Variants in PROSER1 observed in about 807,000 individuals in gnomAD.
The protein encoded by PROSER1 is proline and serine rich 1.
In PROSER1, 36 loss-of-function variants were observed where a neutral mutation model predicts 71.8. That is an observed-to-expected ratio of 0.50 (90% confidence interval 0.38 to 0.66). The LOEUF is 0.66. Among genes scored for constraint, PROSER1 ranks in the 30% least tolerant of loss-of-function variants. The pLI, the probability that PROSER1 is intolerant of heterozygous loss-of-function variation, is 0.00. For missense variants in PROSER1, 1,107 were observed against 1,135.0 expected (o/e 0.98, Z 0.35); for synonymous variants, 490 against 452.4 (o/e 1.08, Z -1.06).
At position 39,024,633 on chromosome 13, in the gene PROSER1, T is replaced by C. The variant is rs1401423935; in HGVS notation, c.481-77A>G. The stretch of plus-strand genomic sequence containing the variant: ...AACCAGTAACAATAACCAACCTCAC[T>C]GTATTACACTGAAGAAAAGGACTTG... On this transcript the variant is annotated intron_variant, in intron 6 of 12. Coordinates refer to ENST00000352251, the MANE Select transcript of PROSER1 (RefSeq NM_025138.5). 8.2e-5 allele frequency: 81 copies of C among 983,844 alleles called. 1 individual carries two copies. In the South Asian group the frequency reaches 1.2e-3, roughly 14 times the overall value. 60.9% of individuals were successfully genotyped at this position (983,844 alleles called of 1,614,324 possible).
intron 10 of PROSER1, 69 bp from the exon 11 acceptor site, chr13:39,014,545 G>T: frequency 8.8e-7 from 1 of 1,142,354 alleles, no homozygotes; most frequent in Non-Finnish European, 1.2e-6. Flanking sequence ...GAATTAAAAA[G>T]CATAACCATT....
chr13:39,020,052 T>C (rs950304618), intron 9 of PROSER1, among the ~76,000 whole-genome samples: 1 of 149,324 alleles, frequency 6.7e-6, no homozygotes, highest in African/African-American at 2.5e-5. Flanking sequence ...TATTATTTTA[T>C]ATCTATCTAG....
intron 9 of PROSER1, among the ~76,000 whole-genome samples, chr13:39,020,096 A>G (rs1870220366): frequency 6.7e-6 from 1 of 150,340 alleles, no homozygotes; most frequent in South Asian, 2.1e-4. Context: ...AAAAAAAACT[A>G]GAGAGGGTAA....
rs534282404 is a variant in PROSER1, at chr13:39,012,035, T to A, written c.2712+48A>T. The stretch of plus-strand genomic sequence containing the variant: ...TACTGCAATGTTATCACTACAGAAG[T>A]TAGTTATACATGTTACCATGTAATT... On this transcript the variant is annotated intron_variant, in intron 12 of 12. Coordinates refer to ENST00000352251, the MANE Select transcript of PROSER1 (RefSeq NM_025138.5). The A allele has an allele frequency of 1.9e-6, 3 of 1,570,292 alleles. No homozygotes were observed. The African/African-American group carries it at 4.1e-5, about 21-fold the overall frequency.
chr13:39,029,119 A>C (rs539908520), intron 4 of PROSER1, 162 bp downstream of exon 4: 2 of 476,012 alleles, frequency 4.2e-6, no homozygotes, highest in Admixed American at 8.5e-5. Context: ...CATATATGTA[A>C]TAAGTACACT....
chr13:39,037,315 G>A lies in PROSER1; in HGVS notation c.-73C>T, dbSNP rs1871164147. 2 of 1,088,044 alleles carry A rather than the reference G, an allele frequency of 1.8e-6. No individual in the cohort carries two copies. The highest frequency in any genetic ancestry group is 2.8e-6 in the Non-Finnish European group (2 of 704,394). 67.4% of individuals were successfully genotyped at this position (1,088,044 alleles called of 1,614,324 possible). On this transcript the variant is annotated 5_prime_UTR_variant, in exon 1 of 13. Coordinates refer to ENST00000352251, the MANE Select transcript of PROSER1 (RefSeq NM_025138.5). ...AAGACGTTCATCCCTGGTCTGCTCC[G>A]CCGATAGTAAAAAATATTTATAGCT...
rs56659534 is a variant in PROSER1 at position 39,018,473 on chromosome 13, G to GACACACACACACAC, written c.731-943_731-930dup. Among the ~76,000 whole-genome samples the GACACACACACACAC allele has an allele frequency of 6.7e-4, 80 of 120,248 alleles. 1 individual carries two copies. Among genetic ancestry groups the GACACACACACACAC allele is most frequent in the Non-Finnish European group, 1.1e-3 (68 of 60,460 alleles). The allele number at this position is 120,248 out of a possible 152,430, so 78.9% of individuals were successfully genotyped here. A position where few individuals can be genotyped will look rare whatever the true frequency, so the allele number is the denominator to read the frequency against. ...TAAAGAAAAAGGACTTTTAAAACCC[G>GACACACACACACAC]ACACACACACACACACACACACACA... On this transcript the variant is annotated intron_variant, in intron 9 of 12. Transcript: ENST00000352251.
Position 39,010,625 on chromosome 13 carries a change from A to G in PROSER1, c.*740T>C. On this transcript the variant is annotated 3_prime_UTR_variant, in exon 13 of 13. Coordinates refer to ENST00000352251, the MANE Select transcript of PROSER1 (RefSeq NM_025138.5). ...ACAGAGGTGGCCCAAGAGTCAGTCA[A>G]GTGTTCTTCACTCACTGGATACTGC... The G allele has an allele frequency of 6.6e-6, 1 of 152,652 alleles. No individual in the cohort carries two copies. The highest frequency in any genetic ancestry group is 1.9e-4 in the East Asian group (1 of 5,196). The allele number at this position is 152,652 out of a possible 1,614,324, so 9.5% of individuals were successfully genotyped here.
intron 8 of PROSER1, 65 bp from the exon 9 acceptor site, chr13:39,022,477 T>G (rs1870342428): frequency 9.6e-7 from 1 of 1,046,186 alleles, no homozygotes; most frequent in South Asian, 1.3e-5. Context: ...TATTGTTCTG[T>G]GACTAGGAGT....
At chr13:39,035,580 T>C (rs892386436) in intron 1 of PROSER1, among the ~76,000 whole-genome samples, 6 of 152,212 alleles carry the variant, frequency 3.9e-5, no homozygotes, top group Non-Finnish European at 7.3e-5. Flanking sequence ...TTAATAGCTA[T>C]CATTCCCTCC....
Position 39,034,019 on chromosome 13 carries a change from GAATA to G in PROSER1, c.111+108_111+111del, listed in dbSNP as rs528220442. Reference sequence around the variant, plus strand: ...AAAACTGAGAGCTTCTCGAGTTCTTGAATAAATACAGCAAAAAGGTAAAACCAAT... The same window carrying G: ...AAAACTGAGAGCTTCTCGAGTTCTTGAATACAGCAAAAAGGTAAAACCAAT... On this transcript the variant is annotated intron_variant, in intron 2 of 12. Transcript: ENST00000352251. 76 of 704,126 alleles carry G rather than the reference GAATA, an allele frequency of 1.1e-4. No individual in the cohort carries two copies. In the East Asian group the frequency reaches 1.9e-3, roughly 18 times the overall value. 43.6% of individuals were successfully genotyped at this position (704,126 alleles called of 1,614,324 possible).
intron 5 of PROSER1, among the ~76,000 whole-genome samples, chr13:39,027,168 T>C (rs1870587698): frequency 6.6e-6 from 1 of 151,832 alleles, no homozygotes; most frequent in Non-Finnish European, 1.5e-5. Flanking sequence ...TCACAACACA[T>C]ATATGTATAT....
Position 39,013,920 on chromosome 13 carries a change from G to T in PROSER1, c.1332C>A (p.Ser444=), listed in dbSNP as rs780644266. 2 of 1,614,198 alleles carry T rather than the reference G, an allele frequency of 1.2e-6. No homozygotes were observed. Among genetic ancestry groups the T allele is most frequent in the South Asian group, 2.2e-5 (2 of 91,090 alleles). The change falls in exon 11 of 13, where the codon TCC becomes TCA. Residue 444 remains serine, a synonymous_variant. Transcript: ENST00000352251. ...CACCAGCAATTACAGGAGTCGGGTT[G>T]GATAGGCCTTGGGATGTTGGTGGTA... ...LPLPPTSQGL[S]NPTPVIAGGS... is the part of the protein sequence containing the mutation.
At chr13:39,012,001 C>T (rs892820432) in intron 12 of PROSER1, 82 bp downstream of exon 12, 8 of 1,379,968 alleles carry the variant, frequency 5.8e-6, no homozygotes, top group African/African-American at 2.9e-5. Flanking sequence ...GTTGGGATAT[C>T]GCAAATGATA....
At chr13:39,028,721 G>A (rs969627609) in intron 4 of PROSER1, among the ~76,000 whole-genome samples, 1 of 152,014 alleles carries the variant, frequency 6.6e-6, no homozygotes, top group Admixed American at 6.6e-5. Context: ...CATACAAAAA[G>A]GACTTAAAAA....
chr13:39,024,690 A>G (rs557649532), intron 6 of PROSER1, 134 bp from the exon 7 acceptor site: 2 of 646,782 alleles, frequency 3.1e-6, no homozygotes, highest in Non-Finnish European at 5.2e-6. Flanking sequence ...TTCCCATTTC[A>G]GTTCTGCACT....
Position 39,022,229 on chromosome 13 carries a change from T to C in PROSER1, c.730+97A>G, listed in dbSNP as rs1295418155. ...ATCCTTCAGACTCTTGAGCTTGTGT[T>C]CCCTCTGTTAGAATACGTCATGCCA... On this transcript the variant is annotated intron_variant, in intron 9 of 12. Transcript: ENST00000352251. The C allele has an allele frequency of 8.5e-6, 7 of 823,484 alleles. No individual in the cohort carries two copies. The Admixed American group carries it at 1.3e-4, about 15-fold the overall frequency. 51.0% of individuals were successfully genotyped at this position (823,484 alleles called of 1,614,324 possible).
intron 2 of PROSER1, among the ~76,000 whole-genome samples, chr13:39,032,215 C>A (rs1444498922): frequency 6.6e-6 from 1 of 152,150 alleles, no homozygotes; most frequent in Non-Finnish European, 1.5e-5. Context: ...AAACTCAAAT[C>A]ATAAATCTAG....
At chr13:39,034,570 A>T (rs1270416582) in intron 1 of PROSER1, among the ~76,000 whole-genome samples, 2 of 152,268 alleles carry the variant, frequency 1.3e-5, no homozygotes, top group African/African-American at 2.4e-5. Context: ...AAGATTAAAC[A>T]TATCAGATGT....
Sources: allele counts gnomAD v4.1 joint callset (sites outside exome capture counted in the v4.1 genomes callset), GRCh38; gene constraint gnomAD v4.1.1; transcripts MANE v1.5; gene names NCBI Gene and HGNC (gene_info 2026-07-23, HGNC 2026-07-21).